Variants in HDAC9 observed in about 807,000 individuals in gnomAD.
The protein encoded by HDAC9 is histone deacetylase 9.
A neutral mutation model predicts 139.4 loss-of-function variants in HDAC9; 41 were observed. The ratio of observed to expected loss-of-function variants is 0.29; its 90% CI spans 0.23 to 0.38. HDAC9 has a LOEUF of 0.38. Among genes scored for constraint, HDAC9 ranks in the 10% least tolerant of loss-of-function variants. HDAC9 has a pLI of 1.00. For missense variants in HDAC9, 1,147 were observed against 1,297.0 expected (o/e 0.88, Z 1.78); for synonymous variants, 517 against 476.2 (o/e 1.09, Z -1.12).
upstream of HDAC9, among the ~76,000 whole-genome samples, chr7:18,286,677 T>G (rs998629969): frequency 6.6e-6 from 1 of 152,112 alleles, no homozygotes; most frequent in African/African-American, 2.4e-5. Context: ...TTTTTAAGCC[T>G]TAGAGGAAGT....
At chr7:18,528,630 T>C (rs1807746532) in intron 2 of HDAC9, among the ~76,000 whole-genome samples, 1 of 152,166 alleles carries the variant, frequency 6.6e-6, no homozygotes, top group African/African-American at 2.4e-5. Context: ...AATTTTATTC[T>C]AGGAAATCAT....
rs748593368 is a variant in HDAC9, at chr7:18,404,120, G to A, written c.-41-92142G>A. 7.2e-4 allele frequency among the ~76,000 whole-genome samples: 109 copies of A among 152,258 alleles called. 1 individual carries two copies. The highest frequency in any genetic ancestry group is 3.6e-3 in the Admixed American group (55 of 15,296). On this transcript the variant is annotated intron_variant, in intron 1 of 3. Coordinates refer to the HDAC9 transcript ENST00000413509. ...GAAATCAATAAGGATGAGGCAATAC[G>A]TATCTTCAAATTTCTTCTTTGACCA...
chr7:18,920,717 T>C (rs1451760237), intron 22 of HDAC9, among the ~76,000 whole-genome samples: 1 of 152,130 alleles, frequency 6.6e-6, no homozygotes, highest in Non-Finnish European at 1.5e-5. Context: ...TTGTTGAATT[T>C]TGTCAAAGGC....
At chr7:18,510,964 G>A (rs1235567617) in intron 2 of HDAC9, among the ~76,000 whole-genome samples, 2 of 152,154 alleles carry the variant, frequency 1.3e-5, no homozygotes, top group Non-Finnish European at 2.9e-5. Context: ...AAAATTAATT[G>A]AGTTCGTTGA....
chr7:18,351,988 C>T (rs1424752016), intron 1 of HDAC9, among the ~76,000 whole-genome samples: 2 of 152,152 alleles, frequency 1.3e-5, no homozygotes, highest in East Asian at 3.8e-4. Flanking sequence ...AACTAGATCA[C>T]ATAGCTGTGG....
intron 6 of HDAC9, among the ~76,000 whole-genome samples, chr7:18,624,933 T>A (rs1429061476): frequency 6.6e-6 from 1 of 151,998 alleles, no homozygotes; most frequent in Non-Finnish European, 1.5e-5. Context: ...GCTAGAAACA[T>A]TAAGTAGGGG....
intron 1 of HDAC9, among the ~76,000 whole-genome samples, chr7:18,449,688 C>T (rs930135159): frequency 1.3e-5 from 2 of 152,008 alleles, no homozygotes; most frequent in Non-Finnish European, 2.9e-5. Flanking sequence ...AATACTTTCT[C>T]CATTAAAGAA....
chr7:18,634,911 CTAAT>C (rs1783423318), intron 8 of HDAC9, among the ~76,000 whole-genome samples, 169 bp downstream of exon 8: 2 of 152,002 alleles, frequency 1.3e-5, no homozygotes, highest in South Asian at 4.1e-4. Flanking sequence ...TATTTACTAA[CTAAT>C]GTAAATATTA....
intron 14 of HDAC9, among the ~76,000 whole-genome samples, chr7:18,758,788 A>ATT (rs34349667): frequency 6.9e-6 from 1 of 144,510 alleles, no homozygotes; most frequent in African/African-American, 2.5e-5. Flanking sequence ...AGGTAGAAAC[A>ATT]TTTTTTTTTT....
chr7:18,673,275 T>C (rs1276822670), intron 12 of HDAC9, among the ~76,000 whole-genome samples: 1 of 151,938 alleles, frequency 6.6e-6, no homozygotes, highest in African/African-American at 2.4e-5. Flanking sequence ...CAACAGCATG[T>C]CTTTAAAAAA....
chr7:18,743,257 C>T (rs1003850653), intron 13 of HDAC9, among the ~76,000 whole-genome samples: 4 of 152,114 alleles, frequency 2.6e-5, no homozygotes, highest in South Asian at 2.1e-4. Flanking sequence ...AACAGACACT[C>T]ATATAGTGTT....
At chr7:18,247,247 G>C (rs1447193157) in intron 2 of HDAC9, among the ~76,000 whole-genome samples, 1 of 152,056 alleles carries the variant, frequency 6.6e-6, no homozygotes, top group Non-Finnish European at 1.5e-5. Context: ...ATGAGAATGG[G>C]GGAAATCGCT....
chr7:18,526,223 C>A (rs1053173926), intron 2 of HDAC9, among the ~76,000 whole-genome samples: 1 of 152,144 alleles, frequency 6.6e-6, no homozygotes, highest in African/African-American at 2.4e-5. Flanking sequence ...TAAGTTGTTA[C>A]TATTTGAGAA....
At chr7:18,491,915 A>G (rs1357782707), upstream of HDAC9, among the ~76,000 whole-genome samples, 1 of 151,924 alleles carries the variant, frequency 6.6e-6, no homozygotes, top group African/African-American at 2.4e-5. Context: ...ACACACCCAA[A>G]AAATGCTTTA....
At chr7:18,974,703 C>T (rs950150209) in intron 24 of HDAC9, among the ~76,000 whole-genome samples, 3 of 152,090 alleles carry the variant, frequency 2.0e-5, no homozygotes, top group African/African-American at 7.2e-5. Flanking sequence ...GACATCTGTT[C>T]CTCTATGAAA....
chr7:18,549,496 C>A (rs367960610), intron 2 of HDAC9, among the ~76,000 whole-genome samples: 3 of 152,034 alleles, frequency 2.0e-5, no homozygotes, highest in Non-Finnish European at 4.4e-5. Flanking sequence ...ACTGTTGATA[C>A]AGACAACAGC....
intron 16 of HDAC9, among the ~76,000 whole-genome samples, chr7:18,776,094 A>C (rs1790745138): frequency 6.6e-6 from 1 of 151,990 alleles, no homozygotes; most frequent in Non-Finnish European, 1.5e-5. Flanking sequence ...ACACACCACC[A>C]CACATATTTG....
chr7:18,709,924 G>T (rs1176354709), intron 12 of HDAC9, among the ~76,000 whole-genome samples: 1 of 152,148 alleles, frequency 6.6e-6, no homozygotes, highest in Non-Finnish European at 1.5e-5. Context: ...TGTCTTCTGA[G>T]AAATGTCAGT....
At chr7:18,108,869 C>T (rs968524959) in intron 1 of HDAC9, among the ~76,000 whole-genome samples, 29 of 152,112 alleles carry the variant, frequency 1.9e-4, no homozygotes, top group African/African-American at 5.6e-4. Flanking sequence ...ATCCTCCCTC[C>T]TCGGCCTCCC....
Sources: allele counts gnomAD v4.1 joint callset (sites outside exome capture counted in the v4.1 genomes callset), GRCh38; gene constraint gnomAD v4.1.1; transcripts MANE v1.5; gene names NCBI Gene and HGNC (gene_info 2026-07-23, HGNC 2026-07-21).